RP1: variants seen among roughly 807,000 people sequenced by gnomAD.
RP1 encodes RP1 axonemal microtubule associated.
RP1 carries 16 observed loss-of-function variants against 14.8 expected under a neutral mutation model. The observed-to-expected ratio is 1.08, with a 90% CI of 0.73 to 1.65. The LOEUF (loss-of-function observed/expected upper bound fraction) is 1.65. Among genes scored for constraint, RP1 ranks in the 40% most tolerant of loss-of-function variants. The pLI is 0.00. For missense variants in RP1, 2,631 were observed against 2,535.0 expected, an observed-to-expected ratio of 1.04 and a Z score of -0.81; for synonymous variants, 876 against 883.6, an observed-to-expected ratio of 0.99 and a Z score of 0.15.
At chr8:54,843,713 C>A (rs1338431432) in intron 25 of RP1, among the ~76,000 whole-genome samples, 1 of 152,168 alleles carries the variant, frequency 6.6e-6, no homozygotes, top group East Asian at 1.9e-4. Flanking sequence ...TTTGGTCGCT[C>A]TGACTGCAGA....
intron 1 of RP1, among the ~76,000 whole-genome samples, chr8:54,604,203 A>C (rs1445572041): frequency 6.6e-6 from 1 of 152,206 alleles, no homozygotes; most frequent in Admixed American, 6.5e-5. Flanking sequence ...TTATTTTGAG[A>C]TAATTCCCAT....
At chr8:54,682,584 A>T (rs1485772488) in intron 12 of RP1, among the ~76,000 whole-genome samples, 1 of 152,110 alleles carries the variant, frequency 6.6e-6, no homozygotes, top group Non-Finnish European at 1.5e-5. Context: ...ATTCTGACTG[A>T]TGTGAGATGG....
intron 4 of RP1, among the ~76,000 whole-genome samples, chr8:54,650,263 A>G (rs1806627134): frequency 6.6e-6 from 1 of 152,140 alleles, no homozygotes; most frequent in Admixed American, 6.6e-5. Context: ...CTCTTGTTGT[A>G]GAGGTGATGG....
chr8:54,736,554 T>G (rs1418491218), intron 18 of RP1, among the ~76,000 whole-genome samples: 4 of 152,154 alleles, frequency 2.6e-5, no homozygotes, highest in Admixed American at 2.0e-4. Context: ...TGGGAAGTGC[T>G]CTACAGATGA....
At chr8:54,589,780 T>C (rs574891614) in intron 1 of RP1, among the ~76,000 whole-genome samples, 2 of 152,348 alleles carry the variant, frequency 1.3e-5, no homozygotes, top group Admixed American at 1.3e-4. Flanking sequence ...GGAATTCTAA[T>C]GGTCTTTTGG....
At chr8:54,672,444 C>T (rs892879611) in intron 7 of RP1, among the ~76,000 whole-genome samples, 5 of 152,114 alleles carry the variant, frequency 3.3e-5, no homozygotes, top group Non-Finnish European at 7.4e-5. Context: ...GGATGAAGTC[C>T]TTTCTTGGTT....
intron 27 of RP1, among the ~76,000 whole-genome samples, chr8:54,859,964 T>C (rs1025450473): frequency 1.6e-4 from 24 of 152,108 alleles, no homozygotes; most frequent in Non-Finnish European, 1.9e-4. Flanking sequence ...GGAAACAATG[T>C]TAGAACATCC....
At chr8:54,663,967 T>C in intron 7 of RP1, 2 of 989,048 alleles carry the variant, frequency 2.0e-6, no homozygotes, top group Non-Finnish European at 2.8e-6. Context: ...TAATGTTAAG[T>C]ATATTCACAT....
chr8:54,742,717 C>G (rs1809127243), intron 19 of RP1, among the ~76,000 whole-genome samples: 1 of 152,162 alleles, frequency 6.6e-6, no homozygotes, highest in Non-Finnish European at 1.5e-5. Flanking sequence ...ATCAGAAGCT[C>G]TGTGCCTGTG....
intron 3 of RP1, among the ~76,000 whole-genome samples, chr8:54,640,994 G>T (rs1325254335): frequency 7.2e-6 from 1 of 138,160 alleles, no homozygotes; most frequent in Non-Finnish European, 1.5e-5. Flanking sequence ...GAGTCTTGCC[G>T]TGTTGCCCAG....
rs752738482 is a variant in RP1, at chr8:54,625,576, G to A, written c.1694G>A (p.Gly565Asp). The A allele has an allele frequency of 6.2e-6, 10 of 1,613,950 alleles. No individual in the cohort carries two copies. Among genetic ancestry groups the A allele is most frequent in the Admixed American group, 1.7e-5 (1 of 60,004 alleles). The change falls in exon 4 of 4, where the codon GGT becomes GAT. Residue 565 changes from glycine (G) to aspartate (D), a missense_variant. Coordinates refer to ENST00000220676, the MANE Select transcript of RP1 (RefSeq NM_006269.2). ...ATGTTAGAGATGTCACATAATAATG[G>A]TTTGCCATCAACTATATCAAATAAC... ...QKMLEMSHNN[G>D]LPSTISNNSI...
intron 24 of RP1, among the ~76,000 whole-genome samples, chr8:54,791,169 C>T (rs1005653661): frequency 3.9e-5 from 6 of 152,118 alleles, no homozygotes; most frequent in Non-Finnish European, 8.8e-5. Flanking sequence ...TAGCAGAACG[C>T]TTGCAGGCTG....
intron 3 of RP1, among the ~76,000 whole-genome samples, chr8:54,636,859 A>C (rs2129320986): frequency 6.6e-6 from 1 of 152,372 alleles, no homozygotes; most frequent in South Asian, 2.1e-4. Flanking sequence ...AGTTTGTTTT[A>C]GACATATATT....
chr8:54,598,824 G>A (rs1416410214), intron 1 of RP1, among the ~76,000 whole-genome samples: 2 of 152,148 alleles, frequency 1.3e-5, no homozygotes, highest in South Asian at 2.1e-4. Context: ...ATGAGAAGTC[G>A]GCTGTCATTT....
chr8:54,659,482 C>G (rs1343579927), intron 6 of RP1, among the ~76,000 whole-genome samples: 1 of 152,090 alleles, frequency 6.6e-6, no homozygotes, highest in Non-Finnish European at 1.5e-5. Flanking sequence ...CATTTATCGA[C>G]GAGACTGTCT....
At chr8:54,681,134 G>GT (rs1227147925) in intron 12 of RP1, among the ~76,000 whole-genome samples, 1 of 152,032 alleles carries the variant, frequency 6.6e-6, no homozygotes, top group African/African-American at 2.4e-5. Context: ...TATTCCCTGG[G>GT]TTCTCTGCTG....
At chr8:54,778,732 G>T (rs115940233) in intron 23 of RP1, among the ~76,000 whole-genome samples, 504 of 152,180 alleles carry the variant, frequency 3.3e-3, no homozygotes, top group African/African-American at 0.012. Context: ...TCCAAGTCCT[G>T]GAGGAAGAAA....
intron 8 of RP1, among the ~76,000 whole-genome samples, chr8:54,677,839 G>A (rs549783864): frequency 1.1e-4 from 16 of 152,092 alleles, no homozygotes; most frequent in Admixed American, 2.6e-4. Flanking sequence ...TTTTGAGCTG[G>A]ACCTTTGCAT....
At chr8:54,728,661 A>G (rs1004279677) in intron 17 of RP1, among the ~76,000 whole-genome samples, 1 of 152,206 alleles carries the variant, frequency 6.6e-6, no homozygotes, top group Non-Finnish European at 1.5e-5. Context: ...CACATATATG[A>G]TAAATAGTTA....
Sources: allele counts gnomAD v4.1 joint callset (sites outside exome capture counted in the v4.1 genomes callset), GRCh38; gene constraint gnomAD v4.1.1; transcripts MANE v1.5; gene names NCBI Gene and HGNC (gene_info 2026-07-23, HGNC 2026-07-21).